The following ZNF704 variants were observed in gnomAD, a reference collection of about 807,000 sequenced individuals.
The protein encoded by ZNF704 is glucocorticoid induced gene 1.
In ZNF704, 10 loss-of-function variants were observed where a neutral mutation model predicts 44.7. The observed-to-expected ratio is 0.22, with a 90% confidence interval of 0.14 to 0.38. The LOEUF (loss-of-function observed/expected upper bound fraction) is 0.38. Among genes scored for constraint, ZNF704 ranks in the 10% least tolerant of loss-of-function variants. The probability of loss-of-function intolerance (pLI) is 1.00; values close to 1 mark genes in which losing one functional copy is unlikely to be tolerated. For missense variants in ZNF704, 390 were observed against 545.5 expected, an observed-to-expected ratio of 0.71 and a Z score of 2.84; for synonymous variants, 211 against 207.6, an observed-to-expected ratio of 1.02 and a Z score of -0.14.
chr8:80,845,699 CCAAA>C (rs1043512599), intron 1 of ZNF704, among the ~76,000 whole-genome samples: 8 of 152,196 alleles, frequency 5.3e-5, no homozygotes, highest in African/African-American at 1.7e-4. Flanking sequence ...CCAAATACCC[CCAAA>C]CAGAGGAAGA....
intron 2 of ZNF704, among the ~76,000 whole-genome samples, chr8:80,708,934 G>A (rs1818939972): frequency 6.6e-6 from 1 of 151,940 alleles, no homozygotes; most frequent in Non-Finnish European, 1.5e-5. Context: ...TAAGGAGTTA[G>A]CAAGCACATA....
At chr8:80,806,177 T>C (rs550009093) in intron 2 of ZNF704, among the ~76,000 whole-genome samples, 2 of 152,330 alleles carry the variant, frequency 1.3e-5, no homozygotes, top group African/African-American at 4.8e-5. Flanking sequence ...TGGTAAAGTT[T>C]GAAAAATCAG....
intron 4 of ZNF704, among the ~76,000 whole-genome samples, chr8:80,686,229 T>A (rs938627578): frequency 2.0e-5 from 3 of 152,194 alleles, no homozygotes; most frequent in Non-Finnish European, 4.4e-5. Flanking sequence ...AGGGGCCAGT[T>A]AAATGTACAA....
At chr8:80,835,892 T>C (rs971179738) in intron 1 of ZNF704, among the ~76,000 whole-genome samples, 1 of 152,224 alleles carries the variant, frequency 6.6e-6, no homozygotes, top group African/African-American at 2.4e-5. Context: ...ATCCTATGAA[T>C]TTTATCTTCA....
intron 2 of ZNF704, among the ~76,000 whole-genome samples, chr8:80,717,898 G>C (rs774370204): frequency 6.6e-6 from 1 of 152,208 alleles, no homozygotes; most frequent in South Asian, 2.1e-4. Flanking sequence ...TTCCCATCTA[G>C]AACTGTCTCC....
chr8:80,658,325 T>C (rs1317310013), intron 7 of ZNF704, among the ~76,000 whole-genome samples: 1 of 151,454 alleles, frequency 6.6e-6, no homozygotes, highest in African/African-American at 2.4e-5. Flanking sequence ...TTTAGGTTAA[T>C]ACAGAGTGGC....
chr8:80,693,588 T>C (rs1043965446), intron 2 of ZNF704, among the ~76,000 whole-genome samples: 1 of 152,294 alleles, frequency 6.6e-6, no homozygotes, highest in Admixed American at 6.5e-5. Flanking sequence ...ATCAGATGTT[T>C]CTCTGAGGCA....
intron 2 of ZNF704, among the ~76,000 whole-genome samples, chr8:80,750,418 T>C (rs2131705161): frequency 6.6e-6 from 1 of 152,306 alleles, no homozygotes; most frequent in East Asian, 1.9e-4. Flanking sequence ...ATATGCAATA[T>C]GTTATTTCAA....
At chr8:80,682,503 C>T (rs1370507318) in intron 4 of ZNF704, among the ~76,000 whole-genome samples, 1 of 152,166 alleles carries the variant, frequency 6.6e-6, no homozygotes, top group African/African-American at 2.4e-5. Flanking sequence ...CCTTTTATGC[C>T]CCCAATTTCT....
intron 1 of ZNF704, among the ~76,000 whole-genome samples, chr8:80,862,153 G>A (rs1283836431): frequency 4.0e-5 from 6 of 151,198 alleles, no homozygotes; most frequent in South Asian, 2.1e-4. Context: ...ACAGGCACCC[G>A]CCACCACATC....
chr8:80,813,673 C>T (rs768788913), intron 2 of ZNF704, among the ~76,000 whole-genome samples: 12 of 151,976 alleles, frequency 7.9e-5, no homozygotes, highest in Non-Finnish European at 1.3e-4. Flanking sequence ...GTCAGGAGAT[C>T]GAGACCATGC....
intron 2 of ZNF704, among the ~76,000 whole-genome samples, chr8:80,806,051 T>C (rs894780941): frequency 3.3e-5 from 5 of 152,140 alleles, no homozygotes; most frequent in Admixed American, 2.6e-4. Context: ...GTGTGTTTCA[T>C]AGGATGGAGC....
At chr8:80,862,510 A>G (rs955967436) in intron 1 of ZNF704, among the ~76,000 whole-genome samples, 2 of 150,352 alleles carry the variant, frequency 1.3e-5, no homozygotes, top group Non-Finnish European at 2.9e-5. Flanking sequence ...CCAGCACTCC[A>G]GCACTTTGGG....
At chr8:80,777,873 C>A (rs1019694317) in intron 2 of ZNF704, among the ~76,000 whole-genome samples, 2 of 143,950 alleles carry the variant, frequency 1.4e-5, no homozygotes, top group South Asian at 4.3e-4. Flanking sequence ...AGTGAGGCTG[C>A]GACTCAACAA....
At chr8:80,663,194 A>G (rs946432827) in intron 6 of ZNF704, among the ~76,000 whole-genome samples, 1 of 152,072 alleles carries the variant, frequency 6.6e-6, no homozygotes, top group Non-Finnish European at 1.5e-5. Flanking sequence ...AGCCTGGGCA[A>G]TGTAGTGAGA....
chr8:80,769,041 T>C (rs1807275188), intron 2 of ZNF704, among the ~76,000 whole-genome samples: 1 of 152,168 alleles, frequency 6.6e-6, no homozygotes, highest in Admixed American at 6.5e-5. Context: ...CTAAAATGTG[T>C]GGACCAACAA....
At chr8:80,867,866 T>C (rs1474929497) in intron 1 of ZNF704, among the ~76,000 whole-genome samples, 1 of 152,240 alleles carries the variant, frequency 6.6e-6, no homozygotes, top group Non-Finnish European at 1.5e-5. Flanking sequence ...CTTTAACATA[T>C]ATTATCTCAT....
intron 2 of ZNF704, among the ~76,000 whole-genome samples, chr8:80,719,025 C>T (rs1819120475): frequency 6.6e-6 from 1 of 151,950 alleles, no homozygotes; most frequent in African/African-American, 2.4e-5. Flanking sequence ...AGTGCAGTGG[C>T]ATGATCATGG....
intron 2 of ZNF704, among the ~76,000 whole-genome samples, chr8:80,807,965 T>C (rs558029924): frequency 3.3e-5 from 5 of 152,210 alleles, no homozygotes; most frequent in Admixed American, 6.5e-5. Flanking sequence ...CCTGATCTTA[T>C]CTACTCTAAA....
Sources: gnomAD v4.1 joint callset for allele counts (sites outside exome capture counted in the v4.1 genomes callset) on GRCh38, gnomAD v4.1.1 for gene constraint, MANE v1.5 for transcripts, NCBI Gene and HGNC (gene_info 2026-07-23, HGNC 2026-07-21) for gene names.